THOC5: variants seen among roughly 807,000 people sequenced by gnomAD.
THOC5 encodes THO complex subunit 5.
In THOC5, 43 loss-of-function variants were observed where a neutral mutation model predicts 92.9. The ratio of observed to expected loss-of-function variants is 0.46; its 90% CI spans 0.36 to 0.60. The LOEUF is 0.60. Ranked by LOEUF, THOC5 falls within the 20% of genes least tolerant of loss-of-function variation. The pLI is 0.00. For missense variants in THOC5, 659 were observed against 849.4 expected, an observed-to-expected ratio of 0.78 and a Z score of 2.79; for synonymous variants, 296 against 320.1, an observed-to-expected ratio of 0.92 and a Z score of 0.80.
chr22:29,525,968 G>C (rs1259010872), intron 11 of THOC5, 22 bp from the exon 12 acceptor site: 1 of 1,522,874 alleles, frequency 6.6e-7, no homozygotes, highest in East Asian at 2.6e-5. Context: ...GAAGATGAGA[G>C]AATTTATGAG....
chr22:29,534,076 G>A (rs577795720), intron 7 of THOC5, among the ~76,000 whole-genome samples: 8 of 152,122 alleles, frequency 5.3e-5, no homozygotes, highest in African/African-American at 1.7e-4. Context: ...GCCCTAAACC[G>A]GAAACAACCA....
intron 19 of THOC5, among the ~76,000 whole-genome samples, chr22:29,509,118 G>A (rs2063173915): frequency 1.3e-5 from 2 of 151,918 alleles, no homozygotes; most frequent in Admixed American, 1.3e-4. Flanking sequence ...CTGAGTCACT[G>A]AAGGAGCACC....
intron 1 of THOC5, chr22:29,550,719 A>T (rs184074331): frequency 6.6e-6 from 1 of 152,344 alleles, no homozygotes; most frequent in East Asian, 1.9e-4. Context: ...TGAGAATAAC[A>T]GTCCCTACCA....
At chr22:29,509,565 G>C (rs371351329) in intron 19 of THOC5, among the ~76,000 whole-genome samples, 4 of 152,386 alleles carry the variant, frequency 2.6e-5, no homozygotes, top group African/African-American at 9.6e-5. Flanking sequence ...CAGATGAGGT[G>C]AAAGGATGCT....
At chr22:29,518,110 T>C (rs2063367804) in intron 15 of THOC5, among the ~76,000 whole-genome samples, 2 of 152,230 alleles carry the variant, frequency 1.3e-5, no homozygotes, top group Non-Finnish European at 2.9e-5. Flanking sequence ...CTCAGCTCAC[T>C]GCAACTTCCG....
intron 8 of THOC5, chr22:29,530,980 A>G: frequency 1.1e-6 from 1 of 949,688 alleles, no homozygotes; most frequent in Non-Finnish European, 1.3e-6. Context: ...CTGGCAAACA[A>G]CAGACTATTT....
chr22:29,525,043 C>T (rs751658096), intron 12 of THOC5, among the ~76,000 whole-genome samples: 14 of 152,076 alleles, frequency 9.2e-5, no homozygotes, highest in Non-Finnish European at 1.3e-4. Flanking sequence ...GAGGCAGAGA[C>T]GGGAGGAGTG....
chr22:29,529,527 G>A (rs1184167196), intron 8 of THOC5, among the ~76,000 whole-genome samples: 1 of 152,212 alleles, frequency 6.6e-6, no homozygotes, highest in Admixed American at 6.5e-5. Context: ...CCAAAGCACA[G>A]AAATTCAAAC....
intron 6 of THOC5, 50 bp downstream of exon 6, chr22:29,539,280 C>T (rs760302263): frequency 1.8e-5 from 29 of 1,590,560 alleles, no homozygotes; most frequent in Non-Finnish European, 2.1e-5. Flanking sequence ...TGGGTCATGA[C>T]AAAGCACTGA....
chr22:29,520,100 G>C lies in THOC5; in HGVS notation c.1282C>G (p.Leu428Val), dbSNP rs915644536. 17 of 1,613,078 alleles carry C rather than the reference G, an allele frequency of 1.1e-5. No individual in the cohort carries two copies. Among genetic ancestry groups the C allele is most frequent in the Non-Finnish European group, 1.4e-5 (17 of 1,179,432 alleles). The change falls in exon 14 of 20, where the codon CTG becomes GTG. Residue 428 changes from leucine to valine, a missense_variant. Coordinates refer to ENST00000490103, the MANE Select transcript of THOC5 (RefSeq NM_003678.5). ...TCAAGTACATAGTCGCTCAAAGTCA[G>C]GATGCTGCAGAAAAGAAGATAAATA... ...NQYQFDKVGI[L>V]TLSDYVLELG...
At chr22:29,548,755 G>A (rs2064080381) in intron 2 of THOC5, among the ~76,000 whole-genome samples, 1 of 152,146 alleles carries the variant, frequency 6.6e-6, no homozygotes, top group Admixed American at 6.5e-5. Flanking sequence ...GCTGCAGATG[G>A]ACTACCTTCT....
chr22:29,551,720 A>AC (rs1406605583), intron 1 of THOC5, among the ~76,000 whole-genome samples: 1 of 152,046 alleles, frequency 6.6e-6, no homozygotes, highest in Non-Finnish European at 1.5e-5. Context: ...CACTGCACTC[A>AC]GTCTTGACAA....
At chr22:29,537,674 G>C (rs545532612) in intron 6 of THOC5, among the ~76,000 whole-genome samples, 1 of 152,128 alleles carries the variant, frequency 6.6e-6, no homozygotes, top group South Asian at 2.1e-4. Flanking sequence ...GGTGAATCAC[G>C]AGGTCAAGAG....
chr22:29,551,670 G>A (rs2064146955), intron 1 of THOC5, among the ~76,000 whole-genome samples: 1 of 152,040 alleles, frequency 6.6e-6, no homozygotes, highest in Non-Finnish European at 1.5e-5. Flanking sequence ...AGGATGGCTT[G>A]AGCCCAGAAG....
chr22:29,536,865 A>G lies in THOC5; in HGVS notation c.600-127T>C, dbSNP rs184768714. ...ACTGCCAATGTTTATCCAGCACTCA[A>G]TGTGTGCCAGGTACTTTGGTGAGCT... On this transcript the variant is annotated intron_variant, in intron 6 of 19. Coordinates refer to ENST00000490103, the MANE Select transcript of THOC5 (RefSeq NM_003678.5). 24 of 666,366 alleles carry G rather than the reference A, an allele frequency of 3.6e-5. No homozygotes were observed. In the African/African-American group the frequency reaches 3.7e-4, roughly 10 times the overall value. The allele number at this position is 666,366 out of a possible 1,614,324, so 41.3% of individuals were successfully genotyped here.
intron 5 of THOC5, 133 bp from the exon 6 acceptor site, chr22:29,539,609 C>T: frequency 1.1e-6 from 1 of 929,558 alleles, no homozygotes; most frequent in Non-Finnish European, 1.6e-6. Flanking sequence ...GTCTTCTCCA[C>T]AAATGCTCAT....
intron 19 of THOC5, among the ~76,000 whole-genome samples, chr22:29,510,513 G>A (rs1372513157): frequency 1.3e-5 from 2 of 152,138 alleles, no homozygotes; most frequent in African/African-American, 4.8e-5. Context: ...CGGAAGGATC[G>A]TTTGAGCTCC....
intron 14 of THOC5, 69 bp from the exon 15 acceptor site, chr22:29,519,189 T>C (rs2063390978): frequency 2.8e-6 from 3 of 1,080,372 alleles, no homozygotes; most frequent in East Asian, 2.5e-5. Flanking sequence ...ATCTCTCTCC[T>C]GGGACCTGCC....
chr22:29,526,085 G>A (rs972218654), intron 11 of THOC5, 139 bp from the exon 12 acceptor site: 11 of 613,670 alleles, frequency 1.8e-5, no homozygotes, highest in South Asian at 1.5e-4. Flanking sequence ...CCTAGGTGAC[G>A]GGATCATTCA....
Sources: allele counts gnomAD v4.1 joint callset (sites outside exome capture counted in the v4.1 genomes callset), GRCh38; gene constraint gnomAD v4.1.1; transcripts MANE v1.5; gene names NCBI Gene and HGNC (gene_info 2026-07-23, HGNC 2026-07-21).